LPP: variants seen among roughly 807,000 people sequenced by gnomAD.
LPP encodes lipoma-preferred partner.
Under a neutral mutation model 60.4 loss-of-function variants are expected in LPP, and 38 were observed. That is an observed-to-expected ratio of 0.63 (90% CI 0.49 to 0.83). LPP has a LOEUF of 0.83. LPP is among the 40% of genes least tolerant of loss of function. LPP has a pLI of 0.00. For synonymous variants in LPP, 328 were observed against 290.8 expected (o/e 1.13, Z -1.30); for missense variants, 902 against 783.6 (o/e 1.15, Z -1.80).
chr3:188,417,033 A>G (rs1286941112), intron 4 of LPP, among the ~76,000 whole-genome samples: 2 of 152,162 alleles, frequency 1.3e-5, no homozygotes, highest in Admixed American at 6.5e-5. Context: ...TGATATTTTT[A>G]TCATCCTTTC....
intron 1 of LPP, among the ~76,000 whole-genome samples, chr3:188,191,231 A>G (rs569172110): frequency 1.3e-5 from 2 of 152,352 alleles, no homozygotes; most frequent in Admixed American, 6.5e-5. Flanking sequence ...CTTTGTCTCA[A>G]AACAGAAACA....
intron 1 of LPP, among the ~76,000 whole-genome samples, chr3:188,190,253 T>G (rs1205398528): frequency 8.6e-5 from 13 of 152,016 alleles, no homozygotes. Context: ...GAGACGGGGT[T>G]TCACCGTGTT....
At chr3:188,828,329 A>G (rs1414718846) in intron 9 of LPP, among the ~76,000 whole-genome samples, 1 of 151,728 alleles carries the variant, frequency 6.6e-6, no homozygotes, top group Non-Finnish European at 1.5e-5. Flanking sequence ...CCCCAGCTGC[A>G]TGCAGTGGCT....
At chr3:188,356,880 G>A (rs1767751333) in intron 3 of LPP, among the ~76,000 whole-genome samples, 1 of 152,162 alleles carries the variant, frequency 6.6e-6, no homozygotes, top group Non-Finnish European at 1.5e-5. Context: ...AAAAGCTTTG[G>A]CTGGAATTTC....
At chr3:188,749,640 A>G (rs1368318185) in intron 8 of LPP, among the ~76,000 whole-genome samples, 1 of 152,084 alleles carries the variant, frequency 6.6e-6, no homozygotes, top group African/African-American at 2.4e-5. Flanking sequence ...TCTGCTACCT[A>G]CTTCTCAAGT....
chr3:188,428,970 T>C (rs1420015944), intron 4 of LPP, among the ~76,000 whole-genome samples: 1 of 152,146 alleles, frequency 6.6e-6, no homozygotes, highest in Non-Finnish European at 1.5e-5. Flanking sequence ...GATAGGACCT[T>C]TCTGTTCTTC....
intron 1 of LPP, among the ~76,000 whole-genome samples, chr3:188,195,166 G>A (rs1221409809): frequency 6.6e-6 from 1 of 152,086 alleles, no homozygotes; most frequent in Non-Finnish European, 1.5e-5. Flanking sequence ...GGCTTAGGCA[G>A]GAGAATTGCT....
intron 1 of LPP, among the ~76,000 whole-genome samples, chr3:188,174,081 A>G (rs1400502541): frequency 1.3e-5 from 2 of 152,214 alleles, no homozygotes; most frequent in Admixed American, 1.3e-4. Context: ...TAGGTTCTCA[A>G]TCAATGTTTG....
intron 6 of LPP, among the ~76,000 whole-genome samples, chr3:188,560,512 C>T (rs754713127): frequency 6.6e-6 from 1 of 152,008 alleles, no homozygotes; most frequent in Non-Finnish European, 1.5e-5. Context: ...CTTCCAGTTC[C>T]GATTCTCAGA....
At chr3:188,348,779 T>G (rs1336313010) in intron 3 of LPP, among the ~76,000 whole-genome samples, 1 of 152,128 alleles carries the variant, frequency 6.6e-6, no homozygotes, top group Non-Finnish European at 1.5e-5. Context: ...AACATTCACT[T>G]CGGCCCTCGC....
intron 7 of LPP, among the ~76,000 whole-genome samples, chr3:188,679,566 C>T (rs1248790368): frequency 6.9e-5 from 10 of 145,432 alleles, no homozygotes; most frequent in South Asian, 2.2e-4. Context: ...TGTGTGTGCG[C>T]GCGCGCATGT....
chr3:188,347,615 G>A (rs548644292), intron 3 of LPP, among the ~76,000 whole-genome samples: 13 of 152,218 alleles, frequency 8.5e-5, no homozygotes, highest in East Asian at 1.9e-4. Context: ...ATTATATTGA[G>A]CTTGAGACTT....
chr3:188,736,659 T>A (rs541454017), intron 8 of LPP, among the ~76,000 whole-genome samples: 1 of 152,098 alleles, frequency 6.6e-6, no homozygotes, highest in East Asian at 1.9e-4. Flanking sequence ...GATGGATGGA[T>A]GGATAAATAT....
intron 7 of LPP, among the ~76,000 whole-genome samples, chr3:188,662,735 G>A (rs1334991808): frequency 2.6e-5 from 4 of 152,186 alleles, no homozygotes; most frequent in Non-Finnish European, 5.9e-5. Flanking sequence ...TTAGAGATAT[G>A]TGAATCAGCA....
At chr3:188,736,433 A>C (rs1175397391) in intron 8 of LPP, among the ~76,000 whole-genome samples, 1 of 152,184 alleles carries the variant, frequency 6.6e-6, no homozygotes, top group African/African-American at 2.4e-5. Flanking sequence ...TTTAACTTAA[A>C]AAAAATTTTA....
At chr3:188,320,452 C>G (rs945045271) in intron 2 of LPP, among the ~76,000 whole-genome samples, 3 of 152,196 alleles carry the variant, frequency 2.0e-5, no homozygotes, top group African/African-American at 7.2e-5. Context: ...TATACTTACC[C>G]AGTAAACAAC....
chr3:188,875,661 A>T lies in LPP; in HGVS notation c.*1182A>T, dbSNP rs1560329951. 4.9e-6 allele frequency: 1 copy of T among 203,362 alleles called. No homozygotes were observed. The highest frequency in any genetic ancestry group is 1.0e-5 in the Non-Finnish European group (1 of 98,852). The allele number at this position is 203,362 out of a possible 1,614,324, so 12.6% of individuals were successfully genotyped here. ...ATTACATATTGCAGGAGACATTTTC[A>T]TATCATCAATGTGACATTTACACCA... is the stretch of plus-strand genomic sequence containing the variant. On this transcript the variant is annotated 3_prime_UTR_variant, in exon 12 of 12. Transcript: ENST00000617246.
At chr3:188,751,526 CA>C (rs1367713266) in intron 8 of LPP, among the ~76,000 whole-genome samples, 2 of 152,150 alleles carry the variant, frequency 1.3e-5, no homozygotes, top group Non-Finnish European at 2.9e-5. Flanking sequence ...CTGTTTCTGT[CA>C]GGAATGTTCT....
intron 3 of LPP, among the ~76,000 whole-genome samples, chr3:188,366,940 A>G (rs1196184756): frequency 6.6e-6 from 1 of 150,894 alleles, no homozygotes; most frequent in East Asian, 1.9e-4. Context: ...TCTGTCGCCC[A>G]GGCTGGAGTG....
Sources: allele counts gnomAD v4.1 joint callset (sites outside exome capture counted in the v4.1 genomes callset), GRCh38; gene constraint gnomAD v4.1.1; transcripts MANE v1.5; gene names NCBI Gene and HGNC (gene_info 2026-07-23, HGNC 2026-07-21).